The following OTOGL variants were observed in gnomAD, a reference collection of about 807,000 sequenced individuals.
OTOGL encodes the protein otogelin like, also known as otogelin-like protein.
OTOGL carries 285 observed loss-of-function variants against 318.5 expected under a neutral mutation model. The observed-to-expected ratio is 0.89, with a 90% CI of 0.81 to 0.99. The LOEUF (loss-of-function observed/expected upper bound fraction) is 0.99. Among genes scored for constraint, OTOGL ranks in the 50% least tolerant of loss-of-function variants. The probability of loss-of-function intolerance (pLI) is 0.00; values close to 1 mark genes in which losing one functional copy is unlikely to be tolerated. For synonymous variants in OTOGL, 987 were observed against 936.5 expected, an observed-to-expected ratio of 1.05 and a Z score of -0.99; for missense variants, 2,899 against 2,845.6, an observed-to-expected ratio of 1.02 and a Z score of -0.43.
intron 28 of OTOGL, among the ~76,000 whole-genome samples, chr12:80,303,180 G>A (rs756652630): frequency 6.6e-6 from 1 of 151,814 alleles, no homozygotes; most frequent in African/African-American, 2.4e-5. Context: ...TTTTGAGACG[G>A]AGTCTGGCTC....
chr12:80,356,923 T>C lies in OTOGL; in HGVS notation c.6019+9T>C. ...TTTTTCCCCTTTTTGTGGTGAGTAT[T>C]GTAGAGATAATTTCTTGGAAGAAGA... On this transcript the variant is annotated intron_variant, in intron 49 of 58. Coordinates refer to ENST00000547103, the MANE Select transcript of OTOGL (RefSeq NM_001378609.3). 4 of 1,508,818 alleles carry C rather than the reference T, an allele frequency of 2.7e-6. No individual in the cohort carries two copies. Among genetic ancestry groups the C allele is most frequent in the Non-Finnish European group, 3.6e-6 (4 of 1,123,256 alleles). The allele number at this position is 1,508,818 out of a possible 1,614,324, so 93.5% of individuals were successfully genotyped here.
intron 1 of OTOGL, among the ~76,000 whole-genome samples, chr12:80,140,014 A>G (rs1296133246): frequency 6.6e-6 from 1 of 152,132 alleles, no homozygotes; most frequent in Non-Finnish European, 1.5e-5. Context: ...TTACCATGCT[A>G]TTTAAGCCCT....
intron 54 of OTOGL, 80 bp from the exon 55 acceptor site, chr12:80,368,125 G>T (rs1328119256): frequency 1.0e-5 from 11 of 1,056,072 alleles, no homozygotes; most frequent in Non-Finnish European, 1.5e-5. Flanking sequence ...TTGTAGTTAT[G>T]TTTGGAAGAA....
In OTOGL at chr12:80,305,209, T is replaced by C. The variant is rs150229054; in HGVS notation, c.3214-367T>C. On this transcript the variant is annotated intron_variant, in intron 28 of 58. Transcript: ENST00000547103. ...TATGAATTACATATGTATATATATA[T>C]ACACATGAATTCTGTGTATACACAC... is the stretch of plus-strand genomic sequence containing the variant. Among the ~76,000 whole-genome samples the C allele has an allele frequency of 3.2e-3, 487 of 152,302 alleles. 12 individuals are homozygous for C. Among genetic ancestry groups the C allele is most frequent in the Admixed American group, 0.029 (450 of 15,300 alleles).
chr12:80,107,008 A>T (rs754699401), intron 1 of OTOGL, among the ~76,000 whole-genome samples: 10 of 152,114 alleles, frequency 6.6e-5, no homozygotes, highest in Admixed American at 2.6e-4. Flanking sequence ...CTAACCATTT[A>T]TAAATTTTAT....
At chr12:80,236,343 C>T (rs1338418860) in intron 9 of OTOGL, among the ~76,000 whole-genome samples, 1 of 152,112 alleles carries the variant, frequency 6.6e-6, no homozygotes, top group Non-Finnish European at 1.5e-5. Flanking sequence ...AATTACTCTA[C>T]TTAGAGCATA....
At chr12:80,145,039 G>T (rs953028900) in intron 1 of OTOGL, among the ~76,000 whole-genome samples, 12 of 151,656 alleles carry the variant, frequency 7.9e-5, no homozygotes, top group African/African-American at 2.9e-4. Flanking sequence ...TTCTTTTGCT[G>T]TACAGAAGCT....
intron 11 of OTOGL, among the ~76,000 whole-genome samples, chr12:80,250,869 G>C (rs962612252): frequency 6.6e-6 from 1 of 152,178 alleles, no homozygotes; most frequent in Non-Finnish European, 1.5e-5. Flanking sequence ...TACTTGATAA[G>C]TGCCTTGTTA....
intron 26 of OTOGL, among the ~76,000 whole-genome samples, chr12:80,279,397 A>G (rs1884049613): frequency 6.6e-6 from 1 of 151,504 alleles, no homozygotes; most frequent in African/African-American, 2.4e-5. Context: ...TCATGCAGGT[A>G]GTAGCATAGT....
intron 46 of OTOGL, among the ~76,000 whole-genome samples, chr12:80,354,763 G>A (rs1350379460): frequency 6.6e-6 from 1 of 152,110 alleles, no homozygotes; most frequent in Non-Finnish European, 1.5e-5. Context: ...GATTTGGTTT[G>A]ATAGCAAATA....
chr12:80,236,797 CTT>C (rs1879892005), intron 9 of OTOGL, among the ~76,000 whole-genome samples: 1 of 146,516 alleles, frequency 6.8e-6, no homozygotes, highest in Non-Finnish European at 1.5e-5. Flanking sequence ...TTTTGTTTTT[CTT>C]TTTTTCTTTT....
At position 80,191,003 on chromosome 12, in the gene OTOGL, T is replaced by C. The variant is rs117856265; in HGVS notation, c.-19-18410T>C. 1.4e-3 allele frequency among the ~76,000 whole-genome samples: 217 copies of C among 152,254 alleles called. 5 individuals are homozygous for C. In the East Asian group the frequency reaches 0.037, roughly 26 times the overall value. ...GCGAATTCACTGATTAGGCTTTCTG[T>C]TATTGCAGAGGAGTGGGATGGGAAC... is the stretch of plus-strand genomic sequence containing the variant. On this transcript the variant is annotated intron_variant, in intron 1 of 58. Coordinates refer to ENST00000547103, the MANE Select transcript of OTOGL (RefSeq NM_001378609.3).
intron 11 of OTOGL, among the ~76,000 whole-genome samples, chr12:80,243,214 T>C (rs12307344): frequency 6.6e-6 from 1 of 152,092 alleles, no homozygotes; most frequent in Admixed American, 6.6e-5. Context: ...GGAAAAGTCA[T>C]TTAAATGAAA....
intron 46 of OTOGL, 66 bp downstream of exon 46, chr12:80,353,576 A>G (rs1472061921): frequency 9.8e-6 from 12 of 1,228,844 alleles, no homozygotes; most frequent in South Asian, 2.4e-5. Context: ...TTTTTTAGAT[A>G]TTGCAGAGAT....
chr12:80,156,036 C>G (rs1873092451), intron 1 of OTOGL, among the ~76,000 whole-genome samples: 1 of 152,230 alleles, frequency 6.6e-6, no homozygotes, highest in Admixed American at 6.5e-5. Context: ...TACTGAGTGT[C>G]AACTTGATTG....
Position 80,259,535 on chromosome 12 carries a change from C to A in OTOGL, c.1889+1533C>A, listed in dbSNP as rs60797873. Among the ~76,000 whole-genome samples the A allele has an allele frequency of 2.3e-3, 348 of 152,042 alleles. 4 individuals are homozygous for A. Among genetic ancestry groups the A allele is most frequent in the African/African-American group, 8.0e-3 (333 of 41,464 alleles). On this transcript the variant is annotated intron_variant, in intron 18 of 58. Coordinates refer to ENST00000547103, the MANE Select transcript of OTOGL (RefSeq NM_001378609.3). ...GTCTTAATGCTCTTCCTCCCCTAGC[C>A]CCACACCCCCAGACAGGCCCCAGTG...
chr12:80,323,815 G>A lies in OTOGL; in HGVS notation c.4174G>A (p.Ala1392Thr). 6.2e-7 allele frequency: 1 copy of A among 1,612,610 alleles called. No individual in the cohort carries two copies. Among genetic ancestry groups the A allele is most frequent in the Non-Finnish European group, 8.5e-7 (1 of 1,178,694 alleles). Reference sequence around the variant, plus strand: ...TTTTAAAACATGTAGTGACCCTGAAGCACTAGCATGTAAATTTCTTCCACC... The same window carrying A: ...TTTTAAAACATGTAGTGACCCTGAAACACTAGCATGTAAATTTCTTCCACC... Reference protein sequence around the residue: ...PCFKTCSDPEALACKFLPPVE... With the variant: ...PCFKTCSDPETLACKFLPPVE... Residue 1392 changes from alanine to threonine, a missense_variant, in exon 35 of 59, where the codon GCA becomes ACA. By Grantham distance (58) the Ala-to-Thr change is moderately conservative. Coordinates refer to ENST00000547103, the MANE Select transcript of OTOGL (RefSeq NM_001378609.3).
chr12:80,335,397 T>C (rs1888326281), intron 38 of OTOGL, among the ~76,000 whole-genome samples: 2 of 152,168 alleles, frequency 1.3e-5, no homozygotes, highest in Admixed American at 6.6e-5. Flanking sequence ...ATTATTACCA[T>C]AATTTAAATG....
chr12:80,284,725 T>C (rs1209035340), intron 26 of OTOGL, among the ~76,000 whole-genome samples: 1 of 152,196 alleles, frequency 6.6e-6, no homozygotes, highest in Non-Finnish European at 1.5e-5. Context: ...TTGATGGGGT[T>C]GTTTGTCTTT....
Sources: gnomAD v4.1 joint callset for allele counts (sites outside exome capture counted in the v4.1 genomes callset) on GRCh38, gnomAD v4.1.1 for gene constraint, MANE v1.5 for transcripts, NCBI Gene and HGNC (gene_info 2026-07-23, HGNC 2026-07-21) for gene names.